Variants in FAT3 observed in about 807,000 individuals in gnomAD.
FAT3 encodes FAT atypical cadherin 3.
FAT3 carries 95 observed loss-of-function variants against 310.2 expected under a neutral mutation model. The observed-to-expected ratio is 0.31, with a 90% CI of 0.26 to 0.36. FAT3 has a LOEUF of 0.36. Ranked by LOEUF, FAT3 falls within the 10% of genes least tolerant of loss-of-function variation. The probability of loss-of-function intolerance (pLI) is 1.00; values close to 1 mark genes in which losing one functional copy is unlikely to be tolerated. For synonymous variants in FAT3, 2,314 were observed against 2,192.9 expected (o/e 1.06, Z -1.54); for missense variants, 5,408 against 5,715.6 (o/e 0.95, Z 1.74).
chr11:92,616,866 C>T (rs374261478), intron 3 of FAT3, among the ~76,000 whole-genome samples: 4 of 152,162 alleles, frequency 2.6e-5, no homozygotes, highest in East Asian at 1.9e-4. Context: ...GATGGGCTTC[C>T]GTTTGTCGGT....
In FAT3 at chr11:92,384,280, TAAG is replaced by T. The variant is rs1478116634; in HGVS notation, c.3292+28880_3292+28882del. ...TGAGTCAGACCACCCTCACTACTGC[TAAG>T]AAGCCTTAATAAGTGTGTCTGTTCT... On this transcript the variant is annotated intron_variant, in intron 2 of 27. Transcript: ENST00000525166. Among the ~76,000 whole-genome samples, 3 of 152,166 alleles carry T rather than the reference TAAG, an allele frequency of 2.0e-5. No individual in the cohort carries two copies. In the East Asian group the frequency reaches 5.8e-4, roughly 29 times the overall value.
rs924084744 is a variant in FAT3, at chr11:92,882,592, C to CT, written c.12282-146_12282-145insT. 5.3e-6 allele frequency: 3 copies of CT among 563,590 alleles called. No homozygotes were observed. The Admixed American group carries it at 1.0e-4, about 19-fold the overall frequency. The allele number at this position is 563,590 out of a possible 1,614,324, so 34.9% of individuals were successfully genotyped here. On this transcript the variant is annotated intron_variant, in intron 23 of 27. Transcript: ENST00000525166. ...GCCTAAATTAACTCCCCCTCCCCCC[C>CT]CCCACCAACCATCTTTGTCCTGCTT... is the stretch of plus-strand genomic sequence containing the variant.
At chr11:92,383,101 T>A (rs1949538034) in intron 2 of FAT3, among the ~76,000 whole-genome samples, 1 of 152,222 alleles carries the variant, frequency 6.6e-6, no homozygotes, top group South Asian at 2.1e-4. Flanking sequence ...TGGTTTTTTG[T>A]TCCTGCATTA....
chr11:92,719,369 A>G (rs183732240), intron 4 of FAT3, among the ~76,000 whole-genome samples: 83 of 152,238 alleles, frequency 5.5e-4, no homozygotes, highest in East Asian at 3.9e-3. Flanking sequence ...TTTTAATTTT[A>G]TATGTATAGT....
At chr11:92,356,438 C>T (rs1023282084) in intron 2 of FAT3, among the ~76,000 whole-genome samples, 5 of 152,174 alleles carry the variant, frequency 3.3e-5, no homozygotes, top group African/African-American at 1.2e-4. Context: ...CAAAATACCA[C>T]AGACTAGGTA....
chr11:92,759,459 T>C (rs1404508066), intron 4 of FAT3, among the ~76,000 whole-genome samples: 1 of 152,170 alleles, frequency 6.6e-6, no homozygotes, highest in African/African-American at 2.4e-5. Flanking sequence ...GCGGGAAAGC[T>C]GGCACTTGGT....
Position 92,889,850 on chromosome 11 carries a change from A to G in FAT3, c.13112-6A>G. ...CAGTTTTACTTTTCACTTTGTATTT[A>G]AACAGTGTCTGTCATGGACCAAGGA... is the stretch of plus-strand genomic sequence containing the variant. On this transcript the variant is annotated splice_polypyrimidine_tract_variant and splice_region_variant and intron_variant, in intron 26 of 27. Transcript: ENST00000525166. 1.4e-6 allele frequency: 1 copy of G among 717,974 alleles called. No homozygotes were observed. The highest frequency in any genetic ancestry group is 2.6e-6 in the Non-Finnish European group (1 of 385,210). 44.5% of individuals were successfully genotyped at this position (717,974 alleles called of 1,614,324 possible). A position where few individuals can be genotyped will look rare whatever the true frequency, so the allele number is the denominator to read the frequency against.
At chr11:92,689,619 A>G (rs1943739246) in intron 3 of FAT3, among the ~76,000 whole-genome samples, 1 of 152,198 alleles carries the variant, frequency 6.6e-6, no homozygotes, top group Non-Finnish European at 1.5e-5. Flanking sequence ...AGGAAGAACC[A>G]TGAAGACTGG....
intron 3 of FAT3, among the ~76,000 whole-genome samples, chr11:92,655,434 C>T (rs964309895): frequency 2.0e-5 from 3 of 152,188 alleles, no homozygotes; most frequent in Non-Finnish European, 2.9e-5. Flanking sequence ...GGACAAATCA[C>T]TTAATTCCTC....
intron 4 of FAT3, among the ~76,000 whole-genome samples, chr11:92,754,099 C>A (rs769135077): frequency 2.6e-5 from 4 of 151,546 alleles, no homozygotes; most frequent in Non-Finnish European, 5.9e-5. Context: ...AATCATGTAG[C>A]CAAATACCAC....
intron 1 of FAT3, among the ~76,000 whole-genome samples, chr11:92,350,128 A>G (rs1386712720): frequency 6.6e-6 from 1 of 152,076 alleles, no homozygotes; most frequent in Non-Finnish European, 1.5e-5. Flanking sequence ...ACTTTTTCCT[A>G]TTTTAGCCAG....
intron 2 of FAT3, among the ~76,000 whole-genome samples, chr11:92,412,402 ATTTTTTTTTTT>A (rs780298367): frequency 9.9e-6 from 1 of 101,126 alleles, no homozygotes; most frequent in Admixed American, 1.4e-4. Flanking sequence ...GACCCGGCCT[ATTTTTTTTTTT>A]TTTTTTTTGA....
Position 92,859,297 on chromosome 11 carries a change from G to A in FAT3, c.11633G>A (p.Arg3878Lys). Reference sequence around the variant, plus strand: ...AGCAATGGGATTATAATGTACACCAGAGCAAATCCCTGCATAATTCTGAAG... The same window carrying A: ...AGCAATGGGATTATAATGTACACCAAAGCAAATCCCTGCATAATTCTGAAG... ...LQSNGIIMYT[R>K]ANPCIILKIV... The change falls in exon 21 of 28, where the codon AGA becomes AAA. Residue 3878 changes from arginine to lysine, a missense_variant. Transcript: ENST00000525166. The A allele has an allele frequency of 6.2e-7, 1 of 1,608,884 alleles. No homozygotes were observed. Among genetic ancestry groups the A allele is most frequent in the African/African-American group, 1.3e-5 (1 of 74,998 alleles).
In FAT3 at chr11:92,844,283, A is replaced by G. The variant is rs1268602434; in HGVS notation, c.10916A>G (p.Gln3639Arg). ...ATTGATGTGGTCGTGCATGTGGAGC[A>G]GTTGGTGCATGAGATGCTGCAGAAC... ...VPIDVVVHVE[Q>R]LVHEMLQNTV... The change falls in exon 19 of 28, where the codon CAG becomes CGG. Residue 3639 changes from glutamine (Q) to arginine (R), a missense_variant. By Grantham distance (43) the Gln-to-Arg change is conservative. Around this residue, in one of 5 missense-constraint regions of FAT3, gnomAD observed 4,588 missense variants for 4,809.8 expected, o/e 0.95. Transcript: ENST00000525166. 1 of 1,614,032 alleles carries G rather than the reference A, an allele frequency of 6.2e-7. No individual in the cohort carries two copies. The highest frequency in any genetic ancestry group is 1.7e-5 in the Admixed American group (1 of 60,028).
chr11:92,465,993 G>T (rs1180816661), intron 2 of FAT3, among the ~76,000 whole-genome samples: 1 of 152,132 alleles, frequency 6.6e-6, no homozygotes, highest in Non-Finnish European at 1.5e-5. Context: ...GTATTAATAA[G>T]TGTTGAAAAG....
chr11:92,613,037 A>G (rs1940640628), intron 3 of FAT3, among the ~76,000 whole-genome samples: 1 of 152,188 alleles, frequency 6.6e-6, no homozygotes, highest in Non-Finnish European at 1.5e-5. Flanking sequence ...TTTCTACCTC[A>G]CTGAAAATGT....
intron 13 of FAT3, among the ~76,000 whole-genome samples, chr11:92,816,572 A>G (rs1165091569): frequency 6.6e-6 from 1 of 152,220 alleles, no homozygotes; most frequent in Non-Finnish European, 1.5e-5. Flanking sequence ...TGATGAAAGC[A>G]GGAAAGAACA....
chr11:92,729,703 G>A (rs1945116616), intron 4 of FAT3, among the ~76,000 whole-genome samples: 1 of 151,724 alleles, frequency 6.6e-6, no homozygotes, highest in Non-Finnish European at 1.5e-5. Flanking sequence ...GGGATTATAG[G>A]CGTGAGCCAC....
Position 92,354,627 on chromosome 11 carries a change from A to G in FAT3, c.2515A>G (p.Asn839Asp). ...PVFIQDSYSV[N>D]ILESSGIGTE... ...TTTTATTCAAGACAGTTACTCAGTT[A>G]ACATTCTTGAAAGTTCAGGCATTGG... Residue 839 changes from asparagine (N) to aspartate (D), a missense_variant, in exon 2 of 28, where the codon AAC becomes GAC. Physicochemically the swap from Asn to Asp is conservative, Grantham distance 23. Transcript: ENST00000525166. The G allele has an allele frequency of 6.2e-7, 1 of 1,613,844 alleles. No homozygotes were observed.
Sources: gnomAD v4.1 joint callset for allele counts (sites outside exome capture counted in the v4.1 genomes callset) on GRCh38, gnomAD v4.1.1 for gene constraint, gnomAD v4.1.1 regional missense constraint, MANE v1.5 for transcripts, NCBI Gene and HGNC (gene_info 2026-07-23, HGNC 2026-07-21) for gene names.